Variants in NBPF12 observed in about 807,000 individuals in gnomAD.
The protein encoded by NBPF12 is NBPF family member NBPF12.
NBPF12 carries 115 observed loss-of-function variants against 146.4 expected under a neutral mutation model. The ratio of observed to expected loss-of-function variants is 0.79; its 90% CI spans 0.68 to 0.92. NBPF12 has a LOEUF of 0.92. Ranked by LOEUF, NBPF12 falls within the 40% of genes least tolerant of loss-of-function variation. NBPF12 has a pLI of 0.00. For missense variants in NBPF12, 1,205 were observed against 1,326.8 expected, an observed-to-expected ratio of 0.91 and a Z score of 1.43; for synonymous variants, 385 against 508.9, an observed-to-expected ratio of 0.76 and a Z score of 3.28.
chr1:146,965,254 C>T (rs1351135922), intron 8 of NBPF12, 150 bp downstream of exon 11: 4 of 670,944 alleles, frequency 6.0e-6, no homozygotes, highest in Admixed American at 2.4e-5. Context: ...AATCACAGCA[C>T]TTTGGAAGGC....
Position 146,963,046 on chromosome 1 carries a change from A to T in NBPF12, c.279-49A>T, listed in dbSNP as rs1655963184. 5.6e-6 allele frequency: 9 copies of T among 1,609,230 alleles called. No homozygotes were observed. The Admixed American group carries it at 1.0e-4, about 18-fold the overall frequency. ...AATCTCTGTTGCAATATTTGAACGG[A>T]TCACTCAACGCTTTTCACTGTTAAA... On this transcript the variant is annotated intron_variant, in intron 5 of 33. Coordinates refer to ENST00000617844, the Ensembl canonical transcript of NBPF12.
At chr1:146,976,557 A>T (rs1657040428) in intron 16 of NBPF12, among the ~76,000 whole-genome samples, 1 of 139,180 alleles carries the variant, frequency 7.2e-6, no homozygotes, top group Admixed American at 7.2e-5. Flanking sequence ...GTTTGCTTCT[A>T]AGAGAAAGAA....
At chr1:146,946,493 A>C (rs1483886354), upstream of NBPF12, among the ~76,000 whole-genome samples, 4 of 115,700 alleles carry the variant, frequency 3.5e-5, no homozygotes, top group African/African-American at 1.3e-4. Flanking sequence ...CTTATTAATG[A>C]GGTGTTCAGA....
chr1:146,980,320 G>T (rs1268644279), intron 19 of NBPF12, among the ~76,000 whole-genome samples: 1 of 152,002 alleles, frequency 6.6e-6, no homozygotes, highest in Non-Finnish European at 1.5e-5. Context: ...TTACATTTAA[G>T]GTTAATATTG....
chr1:146,947,821 G>A (rs1345066505), upstream of NBPF12, among the ~76,000 whole-genome samples: 1 of 151,604 alleles, frequency 6.6e-6, no homozygotes, highest in African/African-American at 2.4e-5. Flanking sequence ...GGTTTTTGGG[G>A]GAACATAATA....
chr1:146,992,154 C>G (rs1343105905), intron 31 of NBPF12, 108 bp downstream of exon 34: 1 of 555,790 alleles, frequency 1.8e-6, no homozygotes, highest in Non-Finnish European at 3.1e-6. Context: ...TCAACCAAGC[C>G]TGAATTATTC....
upstream of NBPF12, among the ~76,000 whole-genome samples, chr1:146,945,995 T>A (rs1293630459): frequency 6.6e-6 from 1 of 151,774 alleles, no homozygotes; most frequent in Non-Finnish European, 1.5e-5. Flanking sequence ...GTTTTACTAC[T>A]TCTATCTTTT....
At chr1:146,966,430 T>G in intron 8 of NBPF12, 34 bp from the exon 12 acceptor site, 1 of 1,336,298 alleles carries the variant, frequency 7.5e-7, no homozygotes, top group South Asian at 1.2e-5. Flanking sequence ...CACCAGTTTT[T>G]AACCCATCAT....
exon 17 of NBPF12, chr1:146,976,955 G>C (rs1245015343): frequency 1.4e-6 from 1 of 724,318 alleles, no homozygotes; most frequent in Admixed American, 1.9e-5. Flanking sequence ...CGATGAAGAT[G>C]TTCAAGTTGA....
upstream of NBPF12, among the ~76,000 whole-genome samples, chr1:146,944,424 T>G (rs1299150981): frequency 7.5e-5 from 11 of 146,222 alleles, no homozygotes; most frequent in African/African-American, 2.7e-4. Context: ...GGAAGTCCAG[T>G]GAGAATGACA....
intron 1 of NBPF12, among the ~76,000 whole-genome samples, chr1:146,942,930 T>G: frequency 7.3e-6 from 1 of 136,092 alleles, no homozygotes; most frequent in Admixed American, 8.3e-5. Flanking sequence ...TAGTCAGGAC[T>G]CTATTTTTTC....
chr1:146,969,763 A>G (rs2101870991), intron 11 of NBPF12, among the ~76,000 whole-genome samples, 167 bp downstream of exon 14: 1 of 151,540 alleles, frequency 6.6e-6, no homozygotes, highest in Non-Finnish European at 1.5e-5. Flanking sequence ...TGGGAAACCC[A>G]TGGGTTTGGA....
At chr1:146,938,667 T>C (rs1238316908), upstream of NBPF12, 8 of 151,578 alleles carry the variant, frequency 5.3e-5, no homozygotes, top group East Asian at 2.0e-4. Flanking sequence ...CCCGAACCCG[T>C]TGTGCGGTAG....
At chr1:146,984,557 G>A (rs1375503506) in intron 21 of NBPF12, among the ~76,000 whole-genome samples, 21,331 of 147,888 alleles carry the variant, frequency 0.14, 1,837 homozygotes, top group Admixed American at 0.26. Flanking sequence ...GTGTCACCCG[G>A]CCAATTGACT....
At chr1:146,994,090 TTCTCTC>T in intron 33 of NBPF12, among the ~76,000 whole-genome samples, 1 of 96,858 alleles carries the variant, frequency 1.0e-5, no homozygotes, top group Non-Finnish European at 2.0e-5. Context: ...CTAGCTCACT[TTCTCTC>T]TGTCTCTGTC....
At chr1:146,974,166 C>T (rs1159386340) in intron 14 of NBPF12, among the ~76,000 whole-genome samples, 3 of 148,710 alleles carry the variant, frequency 2.0e-5, no homozygotes, top group Admixed American at 1.3e-4. Context: ...ACAGAAACTT[C>T]ATTAGCATTT....
chr1:146,951,286 G>A, intron 1 of NBPF12, 62 bp from the exon 5 acceptor site: 1 of 701,100 alleles, frequency 1.4e-6, no homozygotes, highest in South Asian at 1.6e-5. Context: ...GTAAGAAAGT[G>A]TCTCATTGGT....
chr1:146,942,591 C>G, intron 1 of NBPF12, among the ~76,000 whole-genome samples: 1 of 149,662 alleles, frequency 6.7e-6, no homozygotes, highest in East Asian at 2.0e-4. Context: ...TTTTCACCAT[C>G]TAACAAATAA....
At chr1:146,991,378 G>A in intron 30 of NBPF12, 93 bp downstream of exon 33, 1 of 828,882 alleles carries the variant, frequency 1.2e-6, no homozygotes, top group Non-Finnish European at 2.0e-6. Context: ...TGACCCGAGA[G>A]ACGTCATTGC....
Sources: gnomAD v4.1 joint callset for allele counts (sites outside exome capture counted in the v4.1 genomes callset) on GRCh38, gnomAD v4.1.1 for gene constraint, MANE v1.5 for transcripts, NCBI Gene and HGNC (gene_info 2026-07-23, HGNC 2026-07-21) for gene names.